The following RIPOR3 variants were observed in gnomAD, a reference collection of about 807,000 sequenced individuals.
The protein encoded by RIPOR3 is family with sequence similarity 65 member C.
A neutral mutation model predicts 114.3 loss-of-function variants in RIPOR3; 95 were observed. The ratio of observed to expected loss-of-function variants is 0.83; its 90% CI spans 0.70 to 0.99. The LOEUF is 0.99. Among genes scored for constraint, RIPOR3 ranks in the 50% least tolerant of loss-of-function variants. RIPOR3 has a pLI of 0.00. For synonymous variants in RIPOR3, 575 were observed against 543.8 expected (o/e 1.06, Z -0.80); for missense variants, 1,252 against 1,266.9 (o/e 0.99, Z 0.18).
chr20:50,641,442 G>A (rs2085190662), intron 1 of RIPOR3, among the ~76,000 whole-genome samples: 1 of 152,284 alleles, frequency 6.6e-6, no homozygotes, highest in East Asian at 1.9e-4. Flanking sequence ...GGGTGCAGTG[G>A]TGTGATCATA....
At chr20:50,679,553 C>A (rs1321404703) in intron 1 of RIPOR3, among the ~76,000 whole-genome samples, 1 of 142,734 alleles carries the variant, frequency 7.0e-6, no homozygotes, top group East Asian at 2.1e-4. Context: ...GTCAGGAGAT[C>A]GAGACCATTC....
intron 16 of RIPOR3, 42 bp downstream of exon 16, chr20:50,595,327 C>T (rs767138399): frequency 3.1e-6 from 5 of 1,599,980 alleles, no homozygotes; most frequent in South Asian, 2.2e-5. Context: ...CGTCCCCGTG[C>T]CGCTCACATA....
In RIPOR3 at chr20:50,595,404, A is replaced by C. The variant is rs2083253919; in HGVS notation, c.2015T>G (p.Phe672Cys). 1 of 1,614,008 alleles carries C rather than the reference A, an allele frequency of 6.2e-7. No homozygotes were observed. The highest frequency in any genetic ancestry group is 1.1e-5 in the South Asian group (1 of 91,088). ...HVLETLSVLD[F>C]EKVGKATSIE... ...GGATGTTGCCTTGCCGACCTTCTCAAAGTCAAGGACAGAAAGTGTCTCCAG... is the reference window on the plus strand; with the variant it reads ...GGATGTTGCCTTGCCGACCTTCTCACAGTCAAGGACAGAAAGTGTCTCCAG... The change falls in exon 16 of 22, where the codon TTT (phenylalanine) becomes TGT (cysteine). Residue 672 changes from phenylalanine (F) to cysteine (C), a missense_variant. By Grantham distance (205) the Phe-to-Cys change is radical (BLOSUM62 -2). Coordinates refer to ENST00000327979, the MANE Select transcript of RIPOR3 (RefSeq NM_001290268.2).
rs1230073711 is a variant in RIPOR3, at chr20:50,620,134, T to C, written c.123-2A>G. ...ACGGAGTTCCTGTTGATGGACTTTCTGTGAGAAGGGTTGGAGGGCAAGAGA... is the reference window on the plus strand; with the variant it reads ...ACGGAGTTCCTGTTGATGGACTTTCCGTGAGAAGGGTTGGAGGGCAAGAGA... On this transcript the variant is annotated splice_acceptor_variant, in intron 2 of 21. Coordinates refer to ENST00000327979, the MANE Select transcript of RIPOR3 (RefSeq NM_001290268.2). LOFTEE classifies it high-confidence loss of function. The C allele has an allele frequency of 6.2e-7, 1 of 1,613,658 alleles. No individual in the cohort carries two copies. The highest frequency in any genetic ancestry group is 8.5e-7 in the Non-Finnish European group (1 of 1,179,946).
chr20:50,607,919 C>A (rs553984515), intron 11 of RIPOR3, among the ~76,000 whole-genome samples: 1 of 152,196 alleles, frequency 6.6e-6, no homozygotes, highest in Non-Finnish European at 1.5e-5. Context: ...GAGCCCTCCA[C>A]GCTCATGGGC....
At chr20:50,615,461 G>A (rs919171953) in intron 4 of RIPOR3, among the ~76,000 whole-genome samples, 6 of 150,140 alleles carry the variant, frequency 4.0e-5, no homozygotes, top group Admixed American at 1.3e-4. Context: ...GGAGGTGGAG[G>A]TTGCAGTGAG....
intron 1 of RIPOR3, among the ~76,000 whole-genome samples, chr20:50,667,494 A>G (rs1386047593): frequency 6.6e-6 from 1 of 152,114 alleles, no homozygotes; most frequent in Admixed American, 6.6e-5. Flanking sequence ...GGGTTTCACC[A>G]TGTTGGTCAG....
intron 2 of RIPOR3, 116 bp downstream of exon 2, chr20:50,630,622 G>T: frequency 1.3e-6 from 1 of 764,648 alleles, no homozygotes; most frequent in South Asian, 1.9e-5. Context: ...GCTGCAAGCC[G>T]GCCTGAGAGT....
chr20:50,602,175 CCCT>C lies in RIPOR3; in HGVS notation c.1553_1555del (p.Glu518del). ...CAACTCCAGGACCTCCTGCAGAGGC[CCCT>C]CGAGGGCCACGCCAGGCCCGTCCTC... On this transcript the variant is annotated inframe_deletion, in exon 13 of 22. Coordinates refer to ENST00000327979, the MANE Select transcript of RIPOR3 (RefSeq NM_001290268.2). The surrounding 1 kb of genome is among the most constrained non-coding windows in gnomAD (Gnocchi z 4.3). 1 of 1,613,112 alleles carries C rather than the reference CCCT, an allele frequency of 6.2e-7. No individual in the cohort carries two copies. The highest frequency in any genetic ancestry group is 8.5e-7 in the Non-Finnish European group (1 of 1,179,766).
chr20:50,651,743 A>G (rs189049156), intron 1 of RIPOR3, among the ~76,000 whole-genome samples: 3 of 152,346 alleles, frequency 2.0e-5, no homozygotes, highest in African/African-American at 7.2e-5. Flanking sequence ...ACACATAGTA[A>G]TAGCTCAAGA....
intron 1 of RIPOR3, among the ~76,000 whole-genome samples, chr20:50,676,768 AC>A (rs1187850739): frequency 1.9e-4 from 26 of 139,884 alleles, no homozygotes; most frequent in South Asian, 2.2e-4. Context: ...TCCAGATTCT[AC>A]TTTTTTTTTT....
chr20:50,668,856 CAA>C (rs771469226), intron 1 of RIPOR3, among the ~76,000 whole-genome samples: 2 of 131,264 alleles, frequency 1.5e-5, no homozygotes, highest in African/African-American at 2.8e-5. Flanking sequence ...GACTCCATCT[CAA>C]AAAAAAAAAA....
chr20:50,616,020 G>A lies in RIPOR3; in HGVS notation c.330C>T (p.Thr110=). The change falls in exon 4 of 22, where the codon ACC becomes ACT. Residue 110 remains threonine (T), a synonymous_variant. Coordinates refer to ENST00000327979, the MANE Select transcript of RIPOR3 (RefSeq NM_001290268.2). ...LDHLSGRHKD[T]RRNSRLAFYY... ...GTCTCACCAGCCTGGAATTCCTCCT[G>A]GTGTCTTTGTGGCGTCCAGACAGGT... 4 of 1,609,902 alleles carry A rather than the reference G, an allele frequency of 2.5e-6. No homozygotes were observed. The highest frequency in any genetic ancestry group is 3.4e-6 in the Non-Finnish European group (4 of 1,178,342).
intron 6 of RIPOR3, 61 bp downstream of exon 6, chr20:50,610,792 C>T (rs2083948018): frequency 1.2e-6 from 2 of 1,610,808 alleles, no homozygotes; most frequent in Admixed American, 1.7e-5. Flanking sequence ...GCTAACCTAG[C>T]TGAGGCCCAG....
chr20:50,685,374 G>A (rs2086981859), intron 1 of RIPOR3, among the ~76,000 whole-genome samples: 3 of 151,618 alleles, frequency 2.0e-5, no homozygotes, highest in Non-Finnish European at 4.4e-5. Context: ...CCGCCACTGC[G>A]CCTGGCTAAT....
chr20:50,636,764 G>A (rs2085003698), intron 1 of RIPOR3: 5 of 985,530 alleles, frequency 5.1e-6, no homozygotes, highest in Non-Finnish European at 6.0e-6. Context: ...AGGAAGCAGA[G>A]TCTACTCCCG....
At chr20:50,654,245 C>T (rs938817971) in intron 1 of RIPOR3, among the ~76,000 whole-genome samples, 1 of 151,506 alleles carries the variant, frequency 6.6e-6, no homozygotes, top group Non-Finnish European at 1.5e-5. Context: ...CGGTTCACTG[C>T]AACCTCCACC....
chr20:50,648,004 G>A (rs948000759), intron 1 of RIPOR3, among the ~76,000 whole-genome samples: 16 of 151,888 alleles, frequency 1.1e-4, no homozygotes, highest in South Asian at 1.0e-3. Context: ...GGCCAGGCGC[G>A]GTGGCTCATG....
intron 2 of RIPOR3, among the ~76,000 whole-genome samples, chr20:50,628,335 G>A (rs1264775232): frequency 6.6e-6 from 1 of 152,054 alleles, no homozygotes; most frequent in African/African-American, 2.4e-5. Context: ...CACTGAGAAT[G>A]TGTCTCAAGG....
Sources: gnomAD v4.1 joint callset for allele counts (sites outside exome capture counted in the v4.1 genomes callset) on GRCh38, gnomAD v4.1.1 for gene constraint, Gnocchi (gnomAD v3.1) non-coding constraint, MANE v1.5 for transcripts, NCBI Gene and HGNC (gene_info 2026-07-23, HGNC 2026-07-21) for gene names.